Variants in MYO3B observed in about 807,000 individuals in gnomAD.
MYO3B encodes myosin IIIB.
A neutral mutation model predicts 174.6 loss-of-function variants in MYO3B; 156 were observed. The observed-to-expected ratio is 0.89, with a 90% CI of 0.78 to 1.02. The LOEUF (loss-of-function observed/expected upper bound fraction) is 1.02. Ranked by LOEUF, MYO3B falls within the 50% of genes least tolerant of loss-of-function variation. The pLI is 0.00. For synonymous variants in MYO3B, 563 were observed against 569.1 expected, an observed-to-expected ratio of 0.99 and a Z score of 0.15; for missense variants, 1,632 against 1,639.4, an observed-to-expected ratio of 1.00 and a Z score of 0.08.
intron 6 of MYO3B, among the ~76,000 whole-genome samples, chr2:170,229,989 C>A (rs1201964046): frequency 6.6e-6 from 1 of 152,074 alleles, no homozygotes; most frequent in Non-Finnish European, 1.5e-5. Context: ...AAGGGAATTT[C>A]ATTTGTAAAA....
intron 26 of MYO3B, among the ~76,000 whole-genome samples, chr2:170,499,052 A>AT (rs1323925220): frequency 1.3e-5 from 2 of 152,120 alleles, no homozygotes; most frequent in African/African-American, 2.4e-5. Flanking sequence ...AGTTTTGTCC[A>AT]TTTTTTCACT....
At chr2:170,464,949 C>T (rs910361422) in intron 24 of MYO3B, among the ~76,000 whole-genome samples, 3 of 152,020 alleles carry the variant, frequency 2.0e-5, no homozygotes, top group African/African-American at 7.3e-5. Flanking sequence ...TCACTGCAAC[C>T]TCCGCCTCCT....
intron 25 of MYO3B, among the ~76,000 whole-genome samples, chr2:170,478,655 GCCTCC>G (rs1378814051): frequency 6.8e-6 from 1 of 146,686 alleles, no homozygotes; most frequent in Non-Finnish European, 1.5e-5. Context: ...TACAACCTCC[GCCTCC>G]CAGGTTCAAG....
intron 1 of MYO3B, among the ~76,000 whole-genome samples, chr2:170,196,639 A>G (rs2092603443): frequency 6.6e-6 from 1 of 151,292 alleles, no homozygotes; most frequent in Admixed American, 6.6e-5. Flanking sequence ...ATTTTTCTCT[A>G]AGTAAAGATG....
chr2:170,467,470 A>AT (rs1322037266), intron 25 of MYO3B, among the ~76,000 whole-genome samples: 2 of 152,078 alleles, frequency 1.3e-5, no homozygotes, highest in Non-Finnish European at 2.9e-5. Flanking sequence ...TGCCATAGAG[A>AT]TTATGTATGA....
chr2:170,434,378 T>C (rs2094735149), intron 22 of MYO3B, among the ~76,000 whole-genome samples: 2 of 152,144 alleles, frequency 1.3e-5, no homozygotes, highest in Admixed American at 6.5e-5. Flanking sequence ...GCAAGGTACT[T>C]CTGTATAGAA....
intron 32 of MYO3B, among the ~76,000 whole-genome samples, chr2:170,608,704 AGAGT>A (rs1464113350): frequency 1.3e-5 from 2 of 152,090 alleles, no homozygotes; most frequent in East Asian, 3.9e-4. Context: ...AGACAGACAG[AGAGT>A]ATGTGTGTGT....
At chr2:170,587,740 A>G (rs1693573828) in intron 32 of MYO3B, among the ~76,000 whole-genome samples, 1 of 152,232 alleles carries the variant, frequency 6.6e-6, no homozygotes, top group African/African-American at 2.4e-5. Context: ...GTGTAAAAGA[A>G]AGGCCAGACC....
intron 32 of MYO3B, among the ~76,000 whole-genome samples, chr2:170,571,385 C>T (rs1000010391): frequency 6.6e-6 from 1 of 152,084 alleles, no homozygotes; most frequent in Non-Finnish European, 1.5e-5. Context: ...TCTTATGGGG[C>T]TAGCAAAGCT....
intron 7 of MYO3B, among the ~76,000 whole-genome samples, chr2:170,242,963 G>A (rs922660174): frequency 6.6e-6 from 1 of 152,176 alleles, no homozygotes; most frequent in African/African-American, 2.4e-5. Context: ...CATAATGGTA[G>A]GGGCAGGGGT....
At chr2:170,350,816 T>C (rs2094060949) in intron 8 of MYO3B, 1 of 152,030 alleles carries the variant, frequency 6.6e-6, no homozygotes, top group African/African-American at 2.4e-5. Flanking sequence ...TAAAGAAAAA[T>C]GATTTAGGAT....
In MYO3B at chr2:170,641,982, T is replaced by G. The variant is rs548760326; in HGVS notation, c.3734-9646T>G. 2.0e-5 allele frequency among the ~76,000 whole-genome samples: 3 copies of G among 150,160 alleles called. No homozygotes were observed. The East Asian group carries it at 5.9e-4, about 30-fold the overall frequency. ...TTGAAAGGACAGTAATAAAAAATAC[T>G]AAGGAACTTTGTTTTTAGAGACTGA... On this transcript the variant is annotated intron_variant, in intron 32 of 34. Transcript: ENST00000408978.
intron 7 of MYO3B, among the ~76,000 whole-genome samples, chr2:170,293,200 G>A (rs1356532707): frequency 6.6e-6 from 1 of 151,984 alleles, no homozygotes; most frequent in Non-Finnish European, 1.5e-5. Context: ...GGTTTTCTGT[G>A]GGGGGAAATG....
At chr2:170,639,025 G>A (rs1279094239) in intron 32 of MYO3B, among the ~76,000 whole-genome samples, 3 of 152,160 alleles carry the variant, frequency 2.0e-5, no homozygotes, top group Non-Finnish European at 1.5e-5. Flanking sequence ...AGCTGGAGAC[G>A]AGTGCCCCAG....
At chr2:170,472,633 C>T (rs1685039667) in intron 25 of MYO3B, among the ~76,000 whole-genome samples, 1 of 152,084 alleles carries the variant, frequency 6.6e-6, no homozygotes, top group Non-Finnish European at 1.5e-5. Context: ...TGAACCTTAA[C>T]TGCCTGGAAG....
At chr2:170,334,931 T>G (rs925916066) in intron 7 of MYO3B, 5 of 154,076 alleles carry the variant, frequency 3.2e-5, no homozygotes, top group Non-Finnish European at 7.2e-5. Context: ...GACTATGAAT[T>G]TATGAGTACA....
At chr2:170,268,215 A>G (rs1467535587) in intron 7 of MYO3B, among the ~76,000 whole-genome samples, 2 of 152,280 alleles carry the variant, frequency 1.3e-5, no homozygotes, top group East Asian at 3.9e-4. Context: ...GACAAAGGAT[A>G]TATAAAAGAG....
intron 3 of MYO3B, among the ~76,000 whole-genome samples, chr2:170,202,558 C>A (rs1033039464): frequency 6.6e-6 from 1 of 152,140 alleles, no homozygotes; most frequent in Non-Finnish European, 1.5e-5. Flanking sequence ...GGTTGTATGG[C>A]AGAACTGGAA....
chr2:170,395,267 T>C (rs1280645996), intron 16 of MYO3B, among the ~76,000 whole-genome samples: 2 of 152,238 alleles, frequency 1.3e-5, no homozygotes, highest in African/African-American at 4.8e-5. Context: ...TCAACTCTTA[T>C]TTCTGGAGCC....
Sources: allele counts gnomAD v4.1 joint callset (sites outside exome capture counted in the v4.1 genomes callset), GRCh38; gene constraint gnomAD v4.1.1; transcripts MANE v1.5; gene names NCBI Gene and HGNC (gene_info 2026-07-23, HGNC 2026-07-21).